MACROH2A1: variants seen among roughly 807,000 people sequenced by gnomAD.
MACROH2A1 encodes the protein macroH2A.1 histone.
MACROH2A1 carries 2 observed loss-of-function variants against 31.6 expected under a neutral mutation model. The ratio of observed to expected loss-of-function variants is 0.06; its 90% CI spans 0.03 to 0.20. The LOEUF (loss-of-function observed/expected upper bound fraction) is 0.20. MACROH2A1 is among the 10% of genes least tolerant of loss of function. The pLI, the probability that MACROH2A1 is intolerant of heterozygous loss-of-function variation, is 1.00. For synonymous variants in MACROH2A1, 169 were observed against 189.6 expected (o/e 0.89, Z 0.89); for missense variants, 230 against 474.0 (o/e 0.49, Z 4.78).
intron 2 of MACROH2A1, among the ~76,000 whole-genome samples, chr5:135,370,701 G>C (rs1382103029): frequency 3.3e-5 from 5 of 152,148 alleles, no homozygotes; most frequent in Non-Finnish European, 7.4e-5. Context: ...TTTTTAAAGT[G>C]TGTGTGTGTG....
intron 2 of MACROH2A1, among the ~76,000 whole-genome samples, chr5:135,387,239 T>A (rs145673841): frequency 1.3e-5 from 2 of 152,354 alleles, no homozygotes; most frequent in East Asian, 3.9e-4. Flanking sequence ...AGAAGAATCA[T>A]GCTTAGTTCA....
chr5:135,360,533 T>C lies in MACROH2A1; in HGVS notation c.552A>G (p.Thr184=). Residue 184 remains threonine (T), a synonymous_variant, in exon 5 of 9, where the codon ACA becomes ACG. Coordinates refer to ENST00000511689, the MANE Select transcript of MACROH2A1 (RefSeq NM_138610.3). ...TTEGTPADGF[T]VLSTKSLFLG... is the part of the protein sequence containing the mutation. ...GGAAGAGGCTCTTGGTGGAGAGGAC[T>C]GTGAAGCCGTCGGCAGGTGTGCCCT... is the stretch of plus-strand genomic sequence containing the variant. 6.2e-7 allele frequency: 1 copy of C among 1,613,762 alleles called. No individual in the cohort carries two copies. Among genetic ancestry groups the C allele is most frequent in the Non-Finnish European group, 8.5e-7 (1 of 1,179,648 alleles).
Position 135,335,066 on chromosome 5 carries a change from G to C in MACROH2A1, c.1029C>G (p.Ser343=), listed in dbSNP as rs1466793588. 2 of 1,613,280 alleles carry C rather than the reference G, an allele frequency of 1.2e-6. No individual in the cohort carries two copies. The highest frequency in any genetic ancestry group is 1.1e-5 in the South Asian group (1 of 91,068). The change falls in exon 9 of 9, where the codon TCC becomes TCG. Residue 343 remains serine (S), a synonymous_variant. Transcript: ENST00000511689. ...AISSYFVSTM[S]SSIKTVYFVL... ...CGAAGTACACCGTTTTGATGGAAGA[G>C]GACATTGTAGACACGAAGTAACTGG...
chr5:135,370,382 G>A (rs537636832), intron 2 of MACROH2A1, among the ~76,000 whole-genome samples: 1 of 152,306 alleles, frequency 6.6e-6, no homozygotes, highest in East Asian at 1.9e-4. Flanking sequence ...TGAGGGAGAA[G>A]GGACCAGCTG....
At chr5:135,337,562 A>G (rs867293464) in intron 8 of MACROH2A1, among the ~76,000 whole-genome samples, 2 of 152,384 alleles carry the variant, frequency 1.3e-5, no homozygotes, top group South Asian at 4.1e-4. Context: ...ATTCCTCTAC[A>G]TCAATAGTTC....
intron 5 of MACROH2A1, chr5:135,359,537 A>G (rs1762577679): frequency 5.1e-6 from 5 of 985,146 alleles, no homozygotes; most frequent in Non-Finnish European, 6.0e-6. Context: ...CACCACAGGA[A>G]TTGCATCATG....
chr5:135,335,459 T>A (rs1758488941), intron 8 of MACROH2A1, among the ~76,000 whole-genome samples: 3 of 152,192 alleles, frequency 2.0e-5, no homozygotes, highest in Admixed American at 2.0e-4. Context: ...AGCTCCTGAT[T>A]TTCTTTTTCC....
chr5:135,343,025 T>G lies in MACROH2A1; in HGVS notation c.953+235A>C, dbSNP rs976411717. 17 of 910,464 alleles carry G rather than the reference T, an allele frequency of 1.9e-5. No homozygotes were observed. In the African/African-American group the frequency reaches 2.8e-4, roughly 15 times the overall value. The allele number at this position is 910,464 out of a possible 1,614,324, so 56.4% of individuals were successfully genotyped here. On this transcript the variant is annotated intron_variant, in intron 8 of 8. Coordinates refer to ENST00000511689, the MANE Select transcript of MACROH2A1 (RefSeq NM_138610.3). ...CCCAGTACACACTGGGTTCCCCTTC[T>G]GTGATGACATTTGCTATCAAAACTT...
chr5:135,391,078 G>A (rs1357384202), intron 1 of MACROH2A1, among the ~76,000 whole-genome samples: 1 of 152,188 alleles, frequency 6.6e-6, no homozygotes, highest in Admixed American at 6.5e-5. Flanking sequence ...CTTCCTTGCT[G>A]CAATGAACTC....
chr5:135,348,986 T>TCCAGTC, intron 6 of MACROH2A1, among the ~76,000 whole-genome samples: 1 of 152,286 alleles, frequency 6.6e-6, no homozygotes, highest in Middle Eastern at 3.4e-3. Context: ...CAGTCACAAT[T>TCCAGTC]CAGGAAGGAC....
At chr5:135,348,030 AT>A (rs1761069456) in intron 6 of MACROH2A1, among the ~76,000 whole-genome samples, 1 of 152,240 alleles carries the variant, frequency 6.6e-6, no homozygotes, top group Admixed American at 6.5e-5. Flanking sequence ...AGTGTTTAAA[AT>A]TTTTACTTAT....
chr5:135,359,601 C>G, intron 5 of MACROH2A1: 1 of 984,576 alleles, frequency 1.0e-6, no homozygotes, highest in Non-Finnish European at 1.2e-6. Flanking sequence ...GGAGAACTTG[C>G]AATGACGTGA....
intron 2 of MACROH2A1, among the ~76,000 whole-genome samples, chr5:135,375,386 C>T (rs1455514724): frequency 6.6e-6 from 1 of 152,262 alleles, no homozygotes; most frequent in Non-Finnish European, 1.5e-5. Context: ...TTTTTGACTA[C>T]AGACCAGCCG....
At chr5:135,335,529 A>AG (rs1425580040) in intron 8 of MACROH2A1, among the ~76,000 whole-genome samples, 1 of 152,134 alleles carries the variant, frequency 6.6e-6, no homozygotes, top group African/African-American at 2.4e-5. Flanking sequence ...TGTCAGCCCC[A>AG]GGGGATGGCT....
intron 1 of MACROH2A1, among the ~76,000 whole-genome samples, chr5:135,393,280 G>T (rs978482680): frequency 2.6e-5 from 4 of 152,172 alleles, no homozygotes; most frequent in African/African-American, 9.7e-5. Flanking sequence ...TGCAAATGGG[G>T]CACATCACTT....
intron 2 of MACROH2A1, among the ~76,000 whole-genome samples, chr5:135,383,551 T>G (rs1402408588): frequency 6.6e-6 from 1 of 152,192 alleles, no homozygotes; most frequent in Non-Finnish European, 1.5e-5. Context: ...TTCAGTGTTT[T>G]TTCTCTAGCT....
At chr5:135,373,868 A>G (rs1764508218) in intron 2 of MACROH2A1, among the ~76,000 whole-genome samples, 1 of 152,172 alleles carries the variant, frequency 6.6e-6, no homozygotes, top group Non-Finnish European at 1.5e-5. Flanking sequence ...AGGGGCACAG[A>G]TCCACCTTCC....
chr5:135,338,729 A>G (rs1322166034), intron 8 of MACROH2A1, among the ~76,000 whole-genome samples: 1 of 152,134 alleles, frequency 6.6e-6, no homozygotes, highest in Non-Finnish European at 1.5e-5. Context: ...CCCTCTGAAT[A>G]GCCATTCCTG....
At chr5:135,357,653 A>G in intron 5 of MACROH2A1, 1 of 804,558 alleles carries the variant, frequency 1.2e-6, no homozygotes, top group Non-Finnish European at 1.5e-6. Flanking sequence ...GTTTTTTCTG[A>G]AAATTTTAAA....
Sources: gnomAD v4.1 joint callset for allele counts (sites outside exome capture counted in the v4.1 genomes callset) on GRCh38, gnomAD v4.1.1 for gene constraint, MANE v1.5 for transcripts, NCBI Gene and HGNC (gene_info 2026-07-23, HGNC 2026-07-21) for gene names.